The following MUC15 variants were observed in gnomAD, a reference collection of about 807,000 sequenced individuals.
MUC15 encodes mucin-15.
Under a neutral mutation model 24.0 loss-of-function variants are expected in MUC15, and 23 were observed. The ratio of observed to expected loss-of-function variants is 0.96; its 90% CI spans 0.69 to 1.36. The LOEUF (loss-of-function observed/expected upper bound fraction) is 1.36, where lower values mean the gene tolerates loss of function less well. Ranked by LOEUF, MUC15 falls within the 40% of genes most tolerant of loss-of-function variation. The probability of loss-of-function intolerance (pLI) is 0.00; values close to 1 mark genes in which losing one functional copy is unlikely to be tolerated. For missense variants in MUC15, 442 were observed against 428.2 expected, an observed-to-expected ratio of 1.03 and a Z score of -0.29; for synonymous variants, 151 against 156.3, an observed-to-expected ratio of 0.97 and a Z score of 0.25.
Position 26,561,159 on chromosome 11 carries a change from G to C in MUC15, c.992C>G (p.Pro331Arg), listed in dbSNP as rs779278615. 3.1e-6 allele frequency: 5 copies of C among 1,612,428 alleles called. No homozygotes were observed. Among genetic ancestry groups the C allele is most frequent in the African/African-American group, 1.3e-5 (1 of 74,748 alleles). ...VSFGNSSYYN[P>R]TLNDSAMPES... Reference sequence around the variant, plus strand: ...TGGCATGGCTGAATCATTCAAAGTTGGATTGTAGTAGCTAGAATTCCCAAA... The same window carrying C: ...TGGCATGGCTGAATCATTCAAAGTTCGATTGTAGTAGCTAGAATTCCCAAA... Residue 331 changes from proline (P) to arginine (R), a missense_variant, in exon 5 of 5, where the codon CCA becomes CGA. Coordinates refer to ENST00000529533, the MANE Select transcript of MUC15 (RefSeq NM_001135091.2).
chr11:26,568,851 C>T (rs1850703987), intron 1 of MUC15, among the ~76,000 whole-genome samples: 1 of 152,038 alleles, frequency 6.6e-6, no homozygotes, highest in South Asian at 2.1e-4. Flanking sequence ...GCAAAGTTCA[C>T]AGCAAACATA....
chr11:26,566,405 G>A (rs1290424960), intron 2 of MUC15, among the ~76,000 whole-genome samples: 1 of 151,718 alleles, frequency 6.6e-6, no homozygotes, highest in Non-Finnish European at 1.5e-5. Context: ...CCATATATTA[G>A]ATTTTTTTAA....
chr11:26,564,480 C>A (rs537755844), intron 3 of MUC15, among the ~76,000 whole-genome samples: 23 of 148,882 alleles, frequency 1.5e-4, no homozygotes, highest in Non-Finnish European at 3.1e-4. Flanking sequence ...AAAAACAAAA[C>A]AAGAATGAAT....
chr11:26,570,435 T>C (rs886880933), intron 1 of MUC15, among the ~76,000 whole-genome samples: 2 of 152,094 alleles, frequency 1.3e-5, no homozygotes, highest in East Asian at 1.9e-4. Flanking sequence ...AAATCGTGGG[T>C]CATACTTATT....
intron 1 of MUC15, among the ~76,000 whole-genome samples, chr11:26,568,638 C>T (rs1850694848): frequency 6.6e-6 from 1 of 152,012 alleles, no homozygotes; most frequent in African/African-American, 2.4e-5. Flanking sequence ...CGATAACTGT[C>T]TATTATGGTT....
In MUC15 at chr11:26,563,179, A is replaced by G. The variant is rs1429694301; in HGVS notation, c.862T>C (p.Cys288Arg). ...SLLTLVGYLL[C>R]GKRKTDSFSH... is the part of the protein sequence containing the mutation. ...AATGAATCCGTTTTCCTTTTTCCAC[A>G]CAACAAGTAGCCCACAAGAGTAAGC... The change falls in exon 4 of 5, where the codon TGT (cysteine) becomes CGT (arginine). Residue 288 changes from cysteine to arginine, a missense_variant. Physicochemically the swap from Cys to Arg is radical, Grantham distance 180. Coordinates refer to ENST00000529533, the MANE Select transcript of MUC15 (RefSeq NM_001135091.2). 6.2e-7 allele frequency: 1 copy of G among 1,612,514 alleles called. No individual in the cohort carries two copies. Among genetic ancestry groups the G allele is most frequent in the African/African-American group, 1.3e-5 (1 of 74,798 alleles).
In MUC15 at chr11:26,565,767, G is replaced by T. The variant is rs1439809242; in HGVS notation, c.173C>A (p.Thr58Lys). ...SHGKENQDIN[T>K]TQNIAEVFKT... is the part of the protein sequence containing the mutation. ...AAAAACTTCTGCAATGTTCTGTGTT[G>T]TGTTTATGTCTTGATTTTCTTTTCC... The change falls in exon 3 of 5, where the codon ACA becomes AAA. Residue 58 changes from threonine to lysine, a missense_variant. Thr to Lys is a moderately conservative substitution (Grantham distance 78). Coordinates refer to ENST00000529533, the MANE Select transcript of MUC15 (RefSeq NM_001135091.2). 2 of 1,607,316 alleles carry T rather than the reference G, an allele frequency of 1.2e-6. No individual in the cohort carries two copies. The highest frequency in any genetic ancestry group is 1.7e-6 in the Non-Finnish European group (2 of 1,175,186).
intron 3 of MUC15, 126 bp downstream of exon 3, chr11:26,565,039 G>T: frequency 1.0e-6 from 1 of 956,996 alleles, no homozygotes; most frequent in Non-Finnish European, 1.5e-6. Context: ...CCTCAAAAGT[G>T]AGAAAATCCA....
intron 2 of MUC15, 101 bp downstream of exon 2, chr11:26,566,951 C>T: frequency 9.1e-7 from 1 of 1,094,840 alleles, no homozygotes; most frequent in Non-Finnish European, 1.2e-6. Context: ...AAAGTAAACA[C>T]TTAATAGATG....
rs1850209086 is a variant in MUC15 at position 26,559,791 on chromosome 11, CTTCA to C, written c.*1270_*1273del. ...TATGGCAATATGGGGTAAGTACTTT[CTTCA>C]TTACTTTCTATCCCTTATTTTCTGA... On this transcript the variant is annotated 3_prime_UTR_variant, in exon 5 of 5. Coordinates refer to ENST00000529533, the MANE Select transcript of MUC15 (RefSeq NM_001135091.2). 1.3e-6 allele frequency: 2 copies of C among 1,577,938 alleles called. No homozygotes were observed. Among genetic ancestry groups the C allele is most frequent in the East Asian group, 2.3e-5 (1 of 44,440 alleles).
chr11:26,561,343 G>A (rs914160145), intron 4 of MUC15, 118 bp from the exon 5 acceptor site: 4 of 725,336 alleles, frequency 5.5e-6, no homozygotes, highest in Non-Finnish European at 8.1e-6. Context: ...TTTTATATGG[G>A]CTTTTTAGAT....
rs764350458 is a variant in MUC15 at position 26,563,294 on chromosome 11, A to G, written c.776-29T>C. On this transcript the variant is annotated intron_variant, in intron 3 of 4. Coordinates refer to ENST00000529533, the MANE Select transcript of MUC15 (RefSeq NM_001135091.2). ...CAGGACAAAAAAAATTTAAAGAAAT[A>G]TAAAATAATTATTCAAAGAACCGAA... is the stretch of plus-strand genomic sequence containing the variant. 3.3e-5 allele frequency: 51 copies of G among 1,561,962 alleles called. No individual in the cohort carries two copies. In the East Asian group the frequency reaches 1.1e-3, roughly 35 times the overall value.
chr11:26,563,857 G>T (rs1232216042), intron 3 of MUC15, among the ~76,000 whole-genome samples: 1 of 151,736 alleles, frequency 6.6e-6, no homozygotes, highest in Non-Finnish European at 1.5e-5. Flanking sequence ...GAGCTTACGG[G>T]AGTTCAAAAT....
intron 2 of MUC15, among the ~76,000 whole-genome samples, 165 bp from the exon 3 acceptor site, chr11:26,566,061 G>T (rs1360746936): frequency 6.6e-6 from 1 of 151,754 alleles, no homozygotes; most frequent in Non-Finnish European, 1.5e-5. Context: ...TTAAATTAGT[G>T]CCATTGAGTA....
At chr11:26,566,804 TC>T (rs1850605205) in intron 2 of MUC15, among the ~76,000 whole-genome samples, 2 of 65,900 alleles carry the variant, frequency 3.0e-5, no homozygotes, top group Non-Finnish European at 6.9e-5. Flanking sequence ...AATTCTGGCT[TC>T]TGACACAAAT....
chr11:26,566,419 GAGTC>G (rs1220851200), intron 2 of MUC15, among the ~76,000 whole-genome samples: 1 of 151,856 alleles, frequency 6.6e-6, no homozygotes, highest in Non-Finnish European at 1.5e-5. Flanking sequence ...TTTTTAAAGT[GAGTC>G]AGTCAGGAAT....
intron 1 of MUC15, among the ~76,000 whole-genome samples, chr11:26,571,810 T>G (rs1219832435): frequency 6.6e-6 from 1 of 152,238 alleles, no homozygotes; most frequent in South Asian, 2.1e-4. Context: ...TCTAGCAAAT[T>G]TGGCAGTAAT....
In MUC15 at chr11:26,563,271, G is replaced by T; in HGVS notation, c.776-6C>A. ...TATTCCTGTATTTCTATTTTCTACA[G>T]GACAAAAAAAATTTAAAGAAATATA... On this transcript the variant is annotated splice_polypyrimidine_tract_variant and splice_region_variant and intron_variant, in intron 3 of 4. Transcript: ENST00000529533. 6.4e-7 allele frequency: 1 copy of T among 1,572,274 alleles called. No homozygotes were observed. The highest frequency in any genetic ancestry group is 8.6e-7 in the Non-Finnish European group (1 of 1,164,598).
At chr11:26,562,828 A>G (rs978615859) in intron 4 of MUC15, among the ~76,000 whole-genome samples, 13 of 151,920 alleles carry the variant, frequency 8.6e-5, no homozygotes, top group African/African-American at 2.9e-4. Context: ...ATGTCCTACC[A>G]TTCATTATCT....
Sources: allele counts gnomAD v4.1 joint callset (sites outside exome capture counted in the v4.1 genomes callset), GRCh38; gene constraint gnomAD v4.1.1; transcripts MANE v1.5; gene names NCBI Gene and HGNC (gene_info 2026-07-23, HGNC 2026-07-21).